IWS1: variants seen among roughly 807,000 people sequenced by gnomAD.
The protein encoded by IWS1 is protein IWS1 homolog.
In IWS1, 27 loss-of-function variants were observed where a neutral mutation model predicts 86.7. That is an observed-to-expected ratio of 0.31 (90% CI 0.23 to 0.43). The LOEUF (loss-of-function observed/expected upper bound fraction) is 0.43. Among genes scored for constraint, IWS1 ranks in the 20% least tolerant of loss-of-function variants. The probability of loss-of-function intolerance (pLI) is 1.00; values close to 1 mark genes in which losing one functional copy is unlikely to be tolerated. For missense variants in IWS1, 827 were observed against 1,000.8 expected (o/e 0.83, Z 2.34); for synonymous variants, 313 against 335.1 (o/e 0.93, Z 0.72).
intron 2 of IWS1, among the ~76,000 whole-genome samples, chr2:127,522,472 C>T (rs1372746381): frequency 6.6e-6 from 1 of 152,160 alleles, no homozygotes; most frequent in Non-Finnish European, 1.5e-5. Context: ...GAAAAACAAA[C>T]CTAAGAAGAG....
At chr2:127,504,464 G>A (rs1053210054) in intron 3 of IWS1, among the ~76,000 whole-genome samples, 2 of 151,822 alleles carry the variant, frequency 1.3e-5, no homozygotes, top group Non-Finnish European at 2.9e-5. Flanking sequence ...ATCACTTTGA[G>A]GCAGTCAGAG....
At chr2:127,511,306 A>C (rs1691439753) in intron 2 of IWS1, 2 of 152,176 alleles carry the variant, frequency 1.3e-5, no homozygotes, top group Non-Finnish European at 2.9e-5. Flanking sequence ...TAACTCTTCA[A>C]AGCTTCCATG....
At chr2:127,486,053 T>G (rs1452143034) in intron 13 of IWS1, 2 of 154,008 alleles carry the variant, frequency 1.3e-5, no homozygotes, top group Admixed American at 1.3e-4. Flanking sequence ...GTAGTTTGAT[T>G]GGAGAATAAA....
chr2:127,511,966 T>C (rs1691476842), intron 2 of IWS1, among the ~76,000 whole-genome samples: 1 of 152,236 alleles, frequency 6.6e-6, no homozygotes, highest in Non-Finnish European at 1.5e-5. Context: ...CTTTTTCTTT[T>C]ACTCAATTCA....
At position 127,526,420 on chromosome 2, in the gene IWS1, T is replaced by C; in HGVS notation, c.-212A>G. ...GCGGAAAAGGCCGTACCCGGCAGGC[T>C]GGCGGGCGGGCAGGCATGCGAGCCG... is the stretch of plus-strand genomic sequence containing the variant. On this transcript the variant is annotated 5_prime_UTR_variant, in exon 1 of 14. Coordinates refer to ENST00000295321, the MANE Select transcript of IWS1 (RefSeq NM_017969.3). 2.0e-6 allele frequency: 3 copies of C among 1,536,296 alleles called. No homozygotes were observed. The highest frequency in any genetic ancestry group is 2.6e-6 in the Non-Finnish European group (3 of 1,145,142).
At chr2:127,487,384 T>G (rs1263721306) in intron 12 of IWS1, among the ~76,000 whole-genome samples, 1 of 152,228 alleles carries the variant, frequency 6.6e-6, no homozygotes, top group Non-Finnish European at 1.5e-5. Flanking sequence ...CATGCTAGAC[T>G]AAAATAAGAT....
At chr2:127,498,365 C>T (rs974402003) in intron 5 of IWS1, 128 bp from the exon 6 acceptor site, 5 of 806,070 alleles carry the variant, frequency 6.2e-6, no homozygotes, top group Non-Finnish European at 7.7e-6. Flanking sequence ...AGGTACATAA[C>T]AAAAGGTCCC....
In IWS1 at chr2:127,480,969, T is replaced by C; in HGVS notation, c.*75A>G. The C allele has an allele frequency of 6.7e-7, 1 of 1,503,720 alleles. No individual in the cohort carries two copies. Among genetic ancestry groups the C allele is most frequent in the Non-Finnish European group, 8.9e-7 (1 of 1,118,376 alleles). The allele number at this position is 1,503,720 out of a possible 1,614,324, so 93.1% of individuals were successfully genotyped here. On this transcript the variant is annotated 3_prime_UTR_variant, in exon 14 of 14. Transcript: ENST00000295321. ...CATTTACAGACACACTAAAAATGTT[T>C]TAAAATATCTTCTTTCTCCAAAGAG...
intron 1 of IWS1, among the ~76,000 whole-genome samples, chr2:127,525,006 C>T (rs1247715042): frequency 1.3e-5 from 2 of 151,696 alleles, no homozygotes; most frequent in African/African-American, 4.9e-5. Context: ...AAGGATCCTC[C>T]CACTTCAGCC....
In IWS1 at chr2:127,496,586, T is replaced by C. The variant is rs909063046; in HGVS notation, c.1566-438A>G. Among the ~76,000 whole-genome samples the C allele has an allele frequency of 6.3e-3, 443 of 69,940 alleles. 3 individuals carry two copies. Among genetic ancestry groups the C allele is most frequent in the African/African-American group, 0.019 (422 of 22,226 alleles). The allele number at this position is 69,940 out of a possible 152,430, so 45.9% of individuals were successfully genotyped here. A position where few individuals can be genotyped will look rare whatever the true frequency, so the allele number is the denominator to read the frequency against. ...ACACACACACACACACACACACACA[T>C]TTTTTAAAGAGTTGGGGTGTTGCTC... On this transcript the variant is annotated intron_variant, in intron 6 of 13. Coordinates refer to ENST00000295321, the MANE Select transcript of IWS1 (RefSeq NM_017969.3).
chr2:127,506,581 G>A (rs1040167141), intron 2 of IWS1: 2 of 159,414 alleles, frequency 1.3e-5, no homozygotes, highest in Non-Finnish European at 2.9e-5. Flanking sequence ...GAAAGGAGAA[G>A]TTAACATTTC....
intron 2 of IWS1, among the ~76,000 whole-genome samples, chr2:127,516,936 C>T (rs965312638): frequency 6.6e-6 from 1 of 152,074 alleles, no homozygotes; most frequent in East Asian, 1.9e-4. Context: ...TTTGTTCCCC[C>T]ACTACAATGA....
In IWS1 at chr2:127,494,808, A is replaced by T. The variant is rs889536783; in HGVS notation, c.1799+64T>A. 9 of 877,212 alleles carry T rather than the reference A, an allele frequency of 1.0e-5. No homozygotes were observed. The East Asian group carries it at 1.8e-4, about 17-fold the overall frequency. 54.3% of individuals were successfully genotyped at this position (877,212 alleles called of 1,614,324 possible). On this transcript the variant is annotated intron_variant, in intron 8 of 13. Coordinates refer to ENST00000295321, the MANE Select transcript of IWS1 (RefSeq NM_017969.3). ...TATTTAATATTCCTAGAACACCAGT[A>T]CATCATTTGAATTATCATTCCATGA...
intron 2 of IWS1, among the ~76,000 whole-genome samples, chr2:127,509,009 C>T (rs1050730619): frequency 9.2e-5 from 14 of 152,118 alleles, no homozygotes; most frequent in African/African-American, 3.4e-4. Context: ...ATTTAGGAAT[C>T]CTCATGAATT....
In IWS1 at chr2:127,523,877, G is replaced by GT. The variant is rs574190366; in HGVS notation, c.35-87dup. 63 of 924,080 alleles carry GT rather than the reference G, an allele frequency of 6.8e-5. 1 individual carries two copies. Among genetic ancestry groups the GT allele is most frequent in the East Asian group, 3.9e-4 (16 of 40,928 alleles). The allele number at this position is 924,080 out of a possible 1,614,324, so 57.2% of individuals were successfully genotyped here. ...ATGAACACACTGAATCAAGAATAAC[G>GT]TAAGTGCAAAAGTTACCACTGAGGA... On this transcript the variant is annotated intron_variant, in intron 1 of 13. Transcript: ENST00000295321.
At chr2:127,514,813 ATACCTGTCT>A (rs1266894568) in intron 2 of IWS1, 2 of 152,206 alleles carry the variant, frequency 1.3e-5, no homozygotes, top group African/African-American at 4.8e-5. Context: ...TTGCCATTCC[ATACCTGTCT>A]TGCCTGCAGA....
chr2:127,496,383 A>AT (rs1690513999), intron 6 of IWS1, among the ~76,000 whole-genome samples: 1 of 152,080 alleles, frequency 6.6e-6, no homozygotes, highest in Admixed American at 6.6e-5. Flanking sequence ...AGAAAAAAAT[A>AT]TTTTTTATAA....
intron 1 of IWS1, among the ~76,000 whole-genome samples, chr2:127,525,083 G>A (rs1692320967): frequency 8.2e-6 from 1 of 122,064 alleles, no homozygotes; most frequent in South Asian, 2.9e-4. Flanking sequence ...TTTTTGTAGA[G>A]ACGAAGTAGG....
intron 1 of IWS1, among the ~76,000 whole-genome samples, chr2:127,524,978 T>C (rs1402774489): frequency 6.6e-6 from 1 of 151,690 alleles, no homozygotes; most frequent in Non-Finnish European, 1.5e-5. Context: ...AACCTCTGCC[T>C]CCCGGGCTCA....
Sources: gnomAD v4.1 joint callset for allele counts (sites outside exome capture counted in the v4.1 genomes callset) on GRCh38, gnomAD v4.1.1 for gene constraint, MANE v1.5 for transcripts, NCBI Gene and HGNC (gene_info 2026-07-23, HGNC 2026-07-21) for gene names.